Variants in ADGRA3 observed in about 807,000 individuals in gnomAD.
ADGRA3 encodes adhesion G protein-coupled receptor A3.
Under a neutral mutation model 119.8 loss-of-function variants are expected in ADGRA3, and 56 were observed. The observed-to-expected ratio is 0.47, with a 90% CI of 0.38 to 0.58. ADGRA3 has a LOEUF of 0.58. ADGRA3 is among the 20% of genes least tolerant of loss of function. The pLI, the probability that ADGRA3 is intolerant of heterozygous loss-of-function variation, is 0.00. For missense variants in ADGRA3, 1,516 were observed against 1,649.0 expected (o/e 0.92, Z 1.40); for synonymous variants, 607 against 623.8 (o/e 0.97, Z 0.40).
chr4:22,391,608 T>A (rs184046493), intron 17 of ADGRA3, among the ~76,000 whole-genome samples: 156 of 151,278 alleles, frequency 1.0e-3, no homozygotes, highest in African/African-American at 3.7e-3. Context: ...TTATACTCCA[T>A]ACTAGAGCCA....
chr4:22,422,522 A>C (rs1204909108), intron 11 of ADGRA3, among the ~76,000 whole-genome samples: 2 of 152,204 alleles, frequency 1.3e-5, no homozygotes, highest in South Asian at 2.1e-4. Context: ...ACATGTAAAC[A>C]ACCACCAGAT....
chr4:22,443,511 A>T (rs1038975692), intron 6 of ADGRA3, among the ~76,000 whole-genome samples: 6 of 152,176 alleles, frequency 3.9e-5, no homozygotes, highest in African/African-American at 1.4e-4. Flanking sequence ...ATCCTAAAGA[A>T]TAATAGAAAA....
At chr4:22,507,077 A>C (rs2109181246) in intron 1 of ADGRA3, among the ~76,000 whole-genome samples, 2 of 39,486 alleles carry the variant, frequency 5.1e-5, no homozygotes, top group South Asian at 2.8e-3. Flanking sequence ...CTCTACTAAA[A>C]ATTAAAAAAA....
At chr4:22,464,543 T>C (rs1717585545) in intron 2 of ADGRA3, among the ~76,000 whole-genome samples, 1 of 152,198 alleles carries the variant, frequency 6.6e-6, no homozygotes, top group South Asian at 2.1e-4. Flanking sequence ...AGTTCCCTGC[T>C]GTGAATGCCA....
At chr4:22,505,238 TG>T (rs1241691386) in intron 1 of ADGRA3, among the ~76,000 whole-genome samples, 3 of 152,116 alleles carry the variant, frequency 2.0e-5, no homozygotes, top group Non-Finnish European at 4.4e-5. Context: ...TGCCCAGCAG[TG>T]GGACATGGGA....
At chr4:22,443,214 C>T (rs2109074251) in intron 6 of ADGRA3, 2 of 582,516 alleles carry the variant, frequency 3.4e-6, no homozygotes, top group East Asian at 5.9e-5. Context: ...TTAAAATACA[C>T]TTTGGAGACT....
At chr4:22,448,462 T>G (rs1002960893) in intron 4 of ADGRA3, among the ~76,000 whole-genome samples, 18 of 152,066 alleles carry the variant, frequency 1.2e-4, no homozygotes, top group Admixed American at 1.3e-4. Context: ...AGAAATGAGG[T>G]GGGGGTGGAA....
chr4:22,451,107 C>CAT (rs900053820), intron 4 of ADGRA3, among the ~76,000 whole-genome samples: 33 of 150,884 alleles, frequency 2.2e-4, no homozygotes, highest in African/African-American at 7.1e-4. Flanking sequence ...TTTATACAAA[C>CAT]ATATATATAT....
In ADGRA3 at chr4:22,456,374, G is replaced by A. The variant is rs184257787; in HGVS notation, c.402-1437C>T. Among the ~76,000 whole-genome samples, 366 of 152,174 alleles carry A rather than the reference G, an allele frequency of 2.4e-3. 4 individuals are homozygous for A. The highest frequency in any genetic ancestry group is 3.8e-4 in the Non-Finnish European group (26 of 68,016). ...GAAGGACCTGCCCTCAGTATGGGTG[G>A]GCACCATCCAGTCAGCTGGGGCCCT... On this transcript the variant is annotated intron_variant, in intron 3 of 18. Coordinates refer to ENST00000334304, the MANE Select transcript of ADGRA3 (RefSeq NM_145290.4).
intron 3 of ADGRA3, among the ~76,000 whole-genome samples, chr4:22,456,316 G>A (rs1471625120): frequency 6.6e-6 from 1 of 152,172 alleles, no homozygotes; most frequent in African/African-American, 2.4e-5. Context: ...GTTTCCAGGG[G>A]AGATTGGTGC....
At chr4:22,394,083 C>G (rs1055784971) in intron 16 of ADGRA3, 1 of 152,020 alleles carries the variant, frequency 6.6e-6, no homozygotes, top group African/African-American at 2.4e-5. Context: ...GCTTTCTTAA[C>G]CAGTAACTTG....
chr4:22,504,975 C>T (rs539570213), intron 1 of ADGRA3, among the ~76,000 whole-genome samples: 3 of 152,182 alleles, frequency 2.0e-5, no homozygotes, highest in East Asian at 3.9e-4. Context: ...AAACCTCAAC[C>T]GCAAACTGAC....
chr4:22,514,286 A>G (rs903054864), intron 1 of ADGRA3, among the ~76,000 whole-genome samples: 1 of 150,224 alleles, frequency 6.7e-6, no homozygotes, highest in Admixed American at 6.6e-5. Flanking sequence ...AACTGCTGCC[A>G]CCACCACATG....
chr4:22,515,470 G>A, intron 1 of ADGRA3, 58 bp downstream of exon 1: 2 of 1,570,230 alleles, frequency 1.3e-6, no homozygotes, highest in Non-Finnish European at 1.7e-6. Context: ...CCAAAGTTGA[G>A]CGGAGAGATA....
chr4:22,453,150 G>A (rs1345016044), intron 4 of ADGRA3, among the ~76,000 whole-genome samples: 21 of 147,492 alleles, frequency 1.4e-4, no homozygotes, highest in Middle Eastern at 3.5e-3. Context: ...GCAGTGAGCC[G>A]AGATTGTGCC....
At chr4:22,403,940 G>A (rs897393356) in intron 14 of ADGRA3, among the ~76,000 whole-genome samples, 1 of 152,094 alleles carries the variant, frequency 6.6e-6, no homozygotes, top group African/African-American at 2.4e-5. Flanking sequence ...TAGATTCAAA[G>A]GAGCTTGGCT....
chr4:22,391,504 T>C (rs899329510), intron 17 of ADGRA3, among the ~76,000 whole-genome samples: 9 of 152,298 alleles, frequency 5.9e-5, no homozygotes, highest in African/African-American at 2.2e-4. Flanking sequence ...CTCAAACTTG[T>C]GTCCTCTTCT....
At chr4:22,424,142 T>C (rs778918356) in intron 11 of ADGRA3, 49 bp downstream of exon 11, 1 of 1,536,536 alleles carries the variant, frequency 6.5e-7, no homozygotes, top group Non-Finnish European at 8.8e-7. Context: ...GTGAGAGCTG[T>C]GTGAAATGCA....
chr4:22,476,224 G>A (rs1035347826), intron 1 of ADGRA3, among the ~76,000 whole-genome samples: 3 of 152,032 alleles, frequency 2.0e-5, no homozygotes, highest in Non-Finnish European at 2.9e-5. Context: ...GCTCACTTCC[G>A]GAACAAGATT....
Sources: allele counts gnomAD v4.1 joint callset (sites outside exome capture counted in the v4.1 genomes callset), GRCh38; gene constraint gnomAD v4.1.1; transcripts MANE v1.5; gene names NCBI Gene and HGNC (gene_info 2026-07-23, HGNC 2026-07-21).